RAD21L1: variants seen among roughly 807,000 people sequenced by gnomAD.
RAD21L1 encodes the protein double-strand-break repair protein rad21-like protein 1.
Under a neutral mutation model 69.0 loss-of-function variants are expected in RAD21L1, and 47 were observed. That is an observed-to-expected ratio of 0.68 (90% CI 0.54 to 0.87). RAD21L1 has a LOEUF of 0.87. RAD21L1 is among the 40% of genes least tolerant of loss of function. The pLI is 0.00. For synonymous variants in RAD21L1, 177 were observed against 205.8 expected (o/e 0.86, Z 1.20); for missense variants, 583 against 647.6 (o/e 0.90, Z 1.08).
intron 3 of RAD21L1, chr20:1,230,604 A>G: frequency 1.2e-5 from 4 of 321,968 alleles, no homozygotes; most frequent in Non-Finnish European, 1.8e-5. Flanking sequence ...AAGCTTCTTG[A>G]AGGCAAGGTC....
chr20:1,249,583 T>G (rs573863433), intron 13 of RAD21L1, among the ~76,000 whole-genome samples: 1 of 152,186 alleles, frequency 6.6e-6, no homozygotes, highest in Non-Finnish European at 1.5e-5. Flanking sequence ...AAAATTTCCT[T>G]TAAGAGTACA....
rs1215985072 is a variant in RAD21L1, at chr20:1,242,761, A to G, written c.999A>G (p.Arg333=). 1.3e-6 allele frequency: 2 copies of G among 1,551,592 alleles called. No individual in the cohort carries two copies. The highest frequency in any genetic ancestry group is 4.9e-5 in the East Asian group (2 of 40,908). The change falls in exon 9 of 14, where the codon AGA becomes AGG. Residue 333 remains arginine (R), a synonymous_variant. Transcript: ENST00000683101. ...TGGAACTTGCACCTCCTACCCAAAGATTGATGATGTGGAAGAAGAGGGGAG... is the reference window on the plus strand; with the variant it reads ...TGGAACTTGCACCTCCTACCCAAAGGTTGATGATGTGGAAGAAGAGGGGAG... The part of the protein sequence containing the change: ...MVLELAPPTQ[R]LMMWKKRGGV...
chr20:1,239,283 A>G, intron 6 of RAD21L1, 29 bp from the exon 7 acceptor site: 1 of 1,224,102 alleles, frequency 8.2e-7, no homozygotes, highest in Non-Finnish European at 1.2e-6. Flanking sequence ...TCCAGTCTGT[A>G]TGAAAAAATA....
At chr20:1,235,930 G>T (rs1441819021) in intron 5 of RAD21L1, among the ~76,000 whole-genome samples, 1 of 152,016 alleles carries the variant, frequency 6.6e-6, no homozygotes, top group Non-Finnish European at 1.5e-5. Flanking sequence ...TCCGCACTCG[G>T]CTAATTTTTG....
intron 8 of RAD21L1, among the ~76,000 whole-genome samples, chr20:1,240,826 C>A (rs907239059): frequency 1.3e-5 from 2 of 152,180 alleles, no homozygotes; most frequent in African/African-American, 4.8e-5. Flanking sequence ...AATCTGCATA[C>A]AATTAAAAGT....
Position 1,243,092 on chromosome 20 carries a change from T to C in RAD21L1, c.1084-5T>C, listed in dbSNP as rs1387306662. ...CAAAAAAAACAAAAATGTGTATTTT[T>C]ACAGTTGTTTACAAAATGCTTTCTG... On this transcript the variant is annotated splice_polypyrimidine_tract_variant and splice_region_variant and intron_variant, in intron 9 of 13. Transcript: ENST00000683101. The C allele has an allele frequency of 2.0e-6, 3 of 1,500,894 alleles. No individual in the cohort carries two copies. The highest frequency in any genetic ancestry group is 2.7e-6 in the Non-Finnish European group (3 of 1,120,540). The allele number at this position is 1,500,894 out of a possible 1,614,324, so 93.0% of individuals were successfully genotyped here. A position where few individuals can be genotyped will look rare whatever the true frequency, so the allele number is the denominator to read the frequency against.
In RAD21L1 at chr20:1,250,566, A is replaced by G. The variant is rs1269034708; in HGVS notation, c.1479+1863A>G. ...CTTTTTTATGGCTGCATAGTATTCC[A>G]TGGTGTATATATGCCACATTTTCTT... On this transcript the variant is annotated intron_variant, in intron 13 of 13. Coordinates refer to ENST00000683101, the MANE Select transcript of RAD21L1 (RefSeq NM_001384355.1). Among the ~76,000 whole-genome samples the G allele has an allele frequency of 3.3e-5, 5 of 152,320 alleles. 1 individual carries two copies. The highest frequency in any genetic ancestry group is 4.8e-5 in the African/African-American group (2 of 41,572).
chr20:1,251,177 T>C (rs933724536), intron 13 of RAD21L1, among the ~76,000 whole-genome samples: 4 of 152,204 alleles, frequency 2.6e-5, no homozygotes, highest in African/African-American at 9.6e-5. Context: ...TAGATGTAAG[T>C]TGAAAATATA....
rs1016475433 is a variant in RAD21L1 at position 1,234,093 on chromosome 20, A to G, written c.377A>G (p.Asp126Gly). The stretch of plus-strand genomic sequence containing the variant: ...CTTCTATTTCTCCATAGTGCTATTG[A>G]TGTTTCAGAACACTTTACTCAGAAC... ...DFDTQNMNAIDVSEHFTQNQS... is the reference protein window; with the variant it reads ...DFDTQNMNAIGVSEHFTQNQS... The change falls in exon 5 of 14, where the codon GAT (aspartate) becomes GGT (glycine). Residue 126 changes from aspartate (D) to glycine (G), a missense_variant. By Grantham distance (94) the Asp-to-Gly change is moderately conservative. Coordinates refer to ENST00000683101, the MANE Select transcript of RAD21L1 (RefSeq NM_001384355.1). The G allele has an allele frequency of 1.5e-5, 23 of 1,495,008 alleles. No homozygotes were observed. Among genetic ancestry groups the G allele is most frequent in the South Asian group, 2.5e-5 (2 of 81,188 alleles). The allele number at this position is 1,495,008 out of a possible 1,614,324, so 92.6% of individuals were successfully genotyped here.
chr20:1,226,953 A>ATTTAGTGTTATAACAAACCTATT (rs2087276436), intron 1 of RAD21L1, among the ~76,000 whole-genome samples: 1 of 152,250 alleles, frequency 6.6e-6, no homozygotes, highest in Non-Finnish European at 1.5e-5. Flanking sequence ...TCTGTCGCCC[A>ATTTAGTGTTATAACAAACCTATT]GGCTGGAGTG....
rs1331634904 is a variant in RAD21L1, at chr20:1,232,842, A to G, written c.368+1223A>G. On this transcript the variant is annotated intron_variant, in intron 4 of 13. Transcript: ENST00000683101. ...ATGACCTTTTAGGAACAACAACAACAAAAGAGTTGGAAGTGATTAGGTCAT... is the reference window on the plus strand; with the variant it reads ...ATGACCTTTTAGGAACAACAACAACGAAAGAGTTGGAAGTGATTAGGTCAT... Among the ~76,000 whole-genome samples, 3 of 152,176 alleles carry G rather than the reference A, an allele frequency of 2.0e-5. No homozygotes were observed. The East Asian group carries it at 5.8e-4, about 29-fold the overall frequency.
In RAD21L1 at chr20:1,254,019, A is replaced by C. The variant is rs2087885858; in HGVS notation, c.1480-250A>C. Among the ~76,000 whole-genome samples, 3 of 152,222 alleles carry C rather than the reference A, an allele frequency of 2.0e-5. No individual in the cohort carries two copies. In the South Asian group the frequency reaches 6.2e-4, roughly 31 times the overall value. On this transcript the variant is annotated intron_variant, in intron 13 of 13. Transcript: ENST00000683101. ...TTTTAAAAAGGCCTATCATTTGTAT[A>C]ACACATTATAAATTTATATAACACT...
At chr20:1,229,003 TCATTATAAAACATTAAAA>T (rs1183814195) in intron 2 of RAD21L1, among the ~76,000 whole-genome samples, 1 of 152,216 alleles carries the variant, frequency 6.6e-6, no homozygotes, top group African/African-American at 2.4e-5. Context: ...AGTACTATGT[TCATTATAAAACATTAAAA>T]CAGTGATTAG....
chr20:1,240,236 T>C, intron 7 of RAD21L1, 85 bp from the exon 8 acceptor site: 1 of 1,414,918 alleles, frequency 7.1e-7, no homozygotes, highest in Non-Finnish European at 9.2e-7. Context: ...AGTTAGTTTA[T>C]CTTTATCTTT....
chr20:1,249,434 A>C (rs558746476), intron 13 of RAD21L1, among the ~76,000 whole-genome samples: 1 of 152,290 alleles, frequency 6.6e-6, no homozygotes, highest in South Asian at 2.1e-4. Context: ...AAAAGACAGA[A>C]GTTTATTTAT....
chr20:1,240,211 G>T, intron 7 of RAD21L1, 110 bp from the exon 8 acceptor site: 1 of 1,397,096 alleles, frequency 7.2e-7, no homozygotes. Context: ...GTTCCAGTTA[G>T]TAATATAAAT....
At chr20:1,235,180 T>C (rs1486319027) in intron 5 of RAD21L1, among the ~76,000 whole-genome samples, 1 of 152,214 alleles carries the variant, frequency 6.6e-6, no homozygotes, top group East Asian at 1.9e-4. Flanking sequence ...TCCATGAGGA[T>C]AGAATCTGTG....
At chr20:1,239,433 A>G in intron 7 of RAD21L1, 26 bp downstream of exon 7, 1 of 1,233,008 alleles carries the variant, frequency 8.1e-7, no homozygotes. Context: ...CCTTTATGAG[A>G]AAGTAATGGG....
intron 13 of RAD21L1, among the ~76,000 whole-genome samples, chr20:1,252,203 A>G (rs561785111): frequency 3.3e-4 from 50 of 152,300 alleles, no homozygotes; most frequent in African/African-American, 1.2e-3. Flanking sequence ...GCTCTTTAAT[A>G]TTAGAGATTT....
Sources: gnomAD v4.1 joint callset for allele counts (sites outside exome capture counted in the v4.1 genomes callset) on GRCh38, gnomAD v4.1.1 for gene constraint, MANE v1.5 for transcripts, NCBI Gene and HGNC (gene_info 2026-07-23, HGNC 2026-07-21) for gene names.